MTF1: variants seen among roughly 807,000 people sequenced by gnomAD.
MTF1 encodes MRE-binding transcription factor.
MTF1 carries 22 observed loss-of-function variants against 70.4 expected under a neutral mutation model. The ratio of observed to expected loss-of-function variants is 0.31; its 90% CI spans 0.22 to 0.45. The LOEUF (loss-of-function observed/expected upper bound fraction) is 0.45, where lower values mean the gene tolerates loss of function less well. Among genes scored for constraint, MTF1 ranks in the 20% least tolerant of loss-of-function variants. The pLI is 1.00. For synonymous variants in MTF1, 333 were observed against 352.8 expected, an observed-to-expected ratio of 0.94 and a Z score of 0.63; for missense variants, 649 against 922.0, an observed-to-expected ratio of 0.70 and a Z score of 3.83.
At chr1:37,831,423 T>A (rs28580415) in intron 7 of MTF1, among the ~76,000 whole-genome samples, 17,405 of 152,250 alleles carry the variant, frequency 0.11, 1,205 homozygotes, top group East Asian at 0.19. Context: ...GTTCAAATAC[T>A]TCCCATCATA....
chr1:37,815,504 A>G lies in MTF1; in HGVS notation c.1894T>C (p.Cys632Arg). 6.4e-7 allele frequency: 1 copy of G among 1,557,708 alleles called. No individual in the cohort carries two copies. The highest frequency in any genetic ancestry group is 8.7e-7 in the Non-Finnish European group (1 of 1,153,666). The part of the protein sequence containing the change: ...PVIIIKQEEA[C>R]QCQCACRDSA... ...TCCCGGCATGCACACTGACACTGAC[A>G]TGCCTCTTCTTGTTTGATGATGATC... is the stretch of plus-strand genomic sequence containing the variant. The change falls in exon 11 of 11, where the codon TGT becomes CGT. Residue 632 changes from cysteine (C) to arginine (R), a missense_variant. Around this residue, in one of 7 missense-constraint regions of MTF1, gnomAD observed 39 missense variants for 97.8 expected, o/e 0.40. Transcript: ENST00000373036. This position sits in a 1 kb window ranked among gnomAD's most constrained non-coding sequence, Gnocchi z 4.5.
In MTF1 at chr1:37,812,825, C is replaced by T. The variant is rs1640757699; in HGVS notation, c.*2311G>A. 1 of 152,206 alleles carries T rather than the reference C, an allele frequency of 6.6e-6. No homozygotes were observed. Among genetic ancestry groups the T allele is most frequent in the Non-Finnish European group, 1.5e-5 (1 of 68,066 alleles). 9.4% of individuals were successfully genotyped at this position (152,206 alleles called of 1,614,324 possible). Reference sequence around the variant, plus strand: ...CAGCAAGGGCCCTACCTCAAAACTTCCCATGGGTGCGAGGCCCAGAGACAG... The same window carrying T: ...CAGCAAGGGCCCTACCTCAAAACTTTCCATGGGTGCGAGGCCCAGAGACAG... On this transcript the variant is annotated 3_prime_UTR_variant, in exon 11 of 11. Transcript: ENST00000373036.
intron 8 of MTF1, among the ~76,000 whole-genome samples, chr1:37,822,946 C>G (rs906937193): frequency 6.6e-6 from 1 of 152,166 alleles, no homozygotes; most frequent in East Asian, 1.9e-4. Context: ...TAGTTCTAAC[C>G]ATTTAAAAAA....
intron 9 of MTF1, among the ~76,000 whole-genome samples, chr1:37,819,983 A>G (rs1409932648): frequency 8.3e-4 from 60 of 72,454 alleles, no homozygotes; most frequent in African/African-American, 2.1e-3. Context: ...AAAAAAAAAA[A>G]AAGGAGAAGT....
chr1:37,856,600 A>G (rs1251450951), intron 2 of MTF1, among the ~76,000 whole-genome samples: 1 of 150,796 alleles, frequency 6.6e-6, no homozygotes, highest in African/African-American at 2.4e-5. Flanking sequence ...CCCGGGTCCA[A>G]GTGATTCTCC....
intron 2 of MTF1, among the ~76,000 whole-genome samples, chr1:37,855,811 A>G (rs1641483276): frequency 6.6e-6 from 1 of 152,076 alleles, no homozygotes; most frequent in South Asian, 2.1e-4. Context: ...TCAAAAAATT[A>G]GCTGGGCATG....
At chr1:37,838,815 T>TTTTTTTTTTTTTTTTA in intron 3 of MTF1, 59 bp from the exon 4 acceptor site, 1 of 1,233,480 alleles carries the variant, frequency 8.1e-7, no homozygotes, top group Non-Finnish European at 1.1e-6. Flanking sequence ...TTTTTTTTTT[T>TTTTTTTTTTTTTTTTA]TTTTCTGAGA....
At chr1:37,817,572 C>A in intron 9 of MTF1, 90 bp from the exon 10 acceptor site, 1 of 874,630 alleles carries the variant, frequency 1.1e-6, no homozygotes, top group Non-Finnish European at 1.9e-6. Flanking sequence ...AATGGTCATC[C>A]AAGAAGACAG....
chr1:37,853,197 TCTAA>T (rs1641441784), intron 2 of MTF1, among the ~76,000 whole-genome samples: 1 of 145,482 alleles, frequency 6.9e-6, no homozygotes, highest in African/African-American at 2.4e-5. Flanking sequence ...ACATTCTCTA[TCTAA>T]CCACTCTAGC....
rs751843696 is a variant in MTF1, at chr1:37,815,671, T to C, written c.1832-105A>G. 2.0e-4 allele frequency: 175 copies of C among 859,196 alleles called. No individual in the cohort carries two copies. Among genetic ancestry groups the C allele is most frequent in the Non-Finnish European group, 2.8e-4 (161 of 566,974 alleles). The allele number at this position is 859,196 out of a possible 1,614,324, so 53.2% of individuals were successfully genotyped here. A position where few individuals can be genotyped will look rare whatever the true frequency, so the allele number is the denominator to read the frequency against. On this transcript the variant is annotated intron_variant, in intron 10 of 10. Transcript: ENST00000373036. The surrounding 1 kb of genome is among the most constrained non-coding windows in gnomAD (Gnocchi z 4.5). ...TGAGAGCAGAGTGCCATGGGAACCA[T>C]GGGAAGGATGGTTGCCACACTTCGG...
rs149751726 is a variant in MTF1, at chr1:37,859,425, G to A, written c.-52+106C>T. The stretch of plus-strand genomic sequence containing the variant: ...AACGGAGAAGGGGTGGGGTCCCTAT[G>A]GTGACCAAACTGAGGTCTCTATTGG... On this transcript the variant is annotated intron_variant, in intron 1 of 10. Transcript: ENST00000373036. 2,137 of 398,432 alleles carry A rather than the reference G, an allele frequency of 5.4e-3. 44 individuals are homozygous for A. Among genetic ancestry groups the A allele is most frequent in the African/African-American group, 0.039 (1,910 of 48,734 alleles). 24.7% of individuals were successfully genotyped at this position (398,432 alleles called of 1,614,324 possible). A position where few individuals can be genotyped will look rare whatever the true frequency, so the allele number is the denominator to read the frequency against.
intron 2 of MTF1, among the ~76,000 whole-genome samples, chr1:37,844,689 G>C (rs1183291384): frequency 2.6e-5 from 4 of 152,180 alleles, no homozygotes; most frequent in Non-Finnish European, 5.9e-5. Flanking sequence ...AGATGCTACA[G>C]CTTTTGTTAA....
At chr1:37,826,624 C>T in intron 7 of MTF1, 11 of 387,666 alleles carry the variant, frequency 2.8e-5, no homozygotes, top group Admixed American at 1.3e-4. Context: ...TCAGTGATTC[C>T]TTTTTTTTTT....
At chr1:37,818,057 T>C (rs936096796) in intron 9 of MTF1, among the ~76,000 whole-genome samples, 1 of 152,198 alleles carries the variant, frequency 6.6e-6, no homozygotes. Flanking sequence ...GTTGTTGGTG[T>C]TGGGCATGTG....
chr1:37,821,925 C>T (rs2148401984), intron 9 of MTF1, among the ~76,000 whole-genome samples, 196 bp downstream of exon 9: 1 of 152,096 alleles, frequency 6.6e-6, no homozygotes, highest in Middle Eastern at 3.4e-3. Flanking sequence ...GTTTCTCTGC[C>T]TCCTTACTAT....
chr1:37,856,326 C>T (rs1641493754), intron 2 of MTF1, among the ~76,000 whole-genome samples: 1 of 150,588 alleles, frequency 6.6e-6, no homozygotes, highest in Admixed American at 6.6e-5. Flanking sequence ...TACAGGCACC[C>T]GCCACTATGC....
chr1:37,834,789 T>A (rs983941831), intron 6 of MTF1: 2 of 552,582 alleles, frequency 3.6e-6, no homozygotes, highest in East Asian at 4.2e-5. Flanking sequence ...AGAATGACTA[T>A]AAGATTTTTG....
rs561461477 is a variant in MTF1 at position 37,851,860 on chromosome 1, A to T, written c.408+5391T>A. On this transcript the variant is annotated intron_variant, in intron 2 of 10. Coordinates refer to ENST00000373036, the MANE Select transcript of MTF1 (RefSeq NM_005955.3). The stretch of plus-strand genomic sequence containing the variant: ...CTTCCTCTAACTACCAAACTTATTT[A>T]AAAAAAAAAAAAAAAGCCAACTTGA... 2.1e-4 allele frequency among the ~76,000 whole-genome samples: 24 copies of T among 112,748 alleles called. No homozygotes were observed. The East Asian group carries it at 2.9e-3, about 14-fold the overall frequency. The allele number at this position is 112,748 out of a possible 152,430, so 74.0% of individuals were successfully genotyped here.
chr1:37,845,542 C>T (rs1333987049), intron 2 of MTF1, among the ~76,000 whole-genome samples: 1 of 152,192 alleles, frequency 6.6e-6, no homozygotes. Flanking sequence ...TGGAGTTTCT[C>T]TCTGTCACCT....
Sources: allele counts gnomAD v4.1 joint callset (sites outside exome capture counted in the v4.1 genomes callset), GRCh38; gene constraint gnomAD v4.1.1; regional missense constraint gnomAD v4.1.1; non-coding constraint Gnocchi (gnomAD v3.1); transcripts MANE v1.5; gene names NCBI Gene and HGNC (gene_info 2026-07-23, HGNC 2026-07-21).